Variants in RBMS3 observed in about 807,000 individuals in gnomAD.
RBMS3 encodes the protein RNA-binding motif, single-stranded-interacting protein 3.
In RBMS3, 27 loss-of-function variants were observed where a neutral mutation model predicts 66.8. That is an observed-to-expected ratio of 0.40 (90% CI 0.30 to 0.56). RBMS3 has a LOEUF of 0.56. RBMS3 is among the 20% of genes least tolerant of loss of function. The pLI is 0.40. For synonymous variants in RBMS3, 188 were observed against 183.0 expected (o/e 1.03, Z -0.22); for missense variants, 513 against 549.5 (o/e 0.93, Z 0.66).
At position 29,755,678 on chromosome 3, in the gene RBMS3, A is replaced by T. The variant is rs796817521; in HGVS notation, c.558-7232A>T. Among the ~76,000 whole-genome samples, 6 of 152,308 alleles carry T rather than the reference A, an allele frequency of 3.9e-5. 1 individual carries two copies. Among genetic ancestry groups the T allele is most frequent in the African/African-American group, 1.4e-4 (6 of 41,560 alleles). ...GAGGGCCTGCTTGGAAGGACTGTAGACAGGGAGAGATGCAACCCCTGCTAG... is the reference window on the plus strand; with the variant it reads ...GAGGGCCTGCTTGGAAGGACTGTAGTCAGGGAGAGATGCAACCCCTGCTAG... On this transcript the variant is annotated intron_variant, in intron 5 of 14. Transcript: ENST00000383767.
intron 5 of RBMS3, among the ~76,000 whole-genome samples, chr3:29,758,429 A>T (rs1030494128): frequency 6.6e-6 from 1 of 152,196 alleles, no homozygotes; most frequent in Non-Finnish European, 1.5e-5. Flanking sequence ...TGAGTCTTGA[A>T]ATTATGTGAC....
intron 1 of RBMS3, among the ~76,000 whole-genome samples, chr3:29,293,349 A>G (rs1053412240): frequency 7.9e-5 from 12 of 151,812 alleles, no homozygotes; most frequent in Non-Finnish European, 1.2e-4. Context: ...CCGTATTGCC[A>G]TGAGAACCAC....
intron 1 of RBMS3, among the ~76,000 whole-genome samples, chr3:29,425,799 A>G (rs2040935403): frequency 6.6e-6 from 1 of 152,166 alleles, no homozygotes; most frequent in African/African-American, 2.4e-5. Context: ...TGACATTGAC[A>G]TGGTTGGCTA....
intron 5 of RBMS3, among the ~76,000 whole-genome samples, chr3:29,758,161 A>G (rs2055507769): frequency 6.6e-6 from 1 of 152,240 alleles, no homozygotes; most frequent in South Asian, 2.1e-4. Context: ...TCTTGAAGTA[A>G]TAGTGGCTGG....
At chr3:29,865,799 T>G (rs1189095234) in intron 6 of RBMS3, among the ~76,000 whole-genome samples, 4 of 152,202 alleles carry the variant, frequency 2.6e-5, no homozygotes, top group East Asian at 3.9e-4. Context: ...ATGGGCCAAT[T>G]CTGCTTATAT....
chr3:29,306,188 G>C (rs1329985322), intron 1 of RBMS3, among the ~76,000 whole-genome samples: 2 of 151,900 alleles, frequency 1.3e-5, no homozygotes, highest in East Asian at 3.9e-4. Flanking sequence ...TTTCATGTTG[G>C]AAAACTAATC....
At chr3:29,716,993 A>G (rs1195301695) in intron 4 of RBMS3, among the ~76,000 whole-genome samples, 1 of 151,964 alleles carries the variant, frequency 6.6e-6, no homozygotes, top group African/African-American at 2.4e-5. Context: ...TTTGGCACAT[A>G]TATTTTGGGA....
At chr3:29,349,777 C>T (rs2036795192) in intron 1 of RBMS3, among the ~76,000 whole-genome samples, 1 of 152,110 alleles carries the variant, frequency 6.6e-6, no homozygotes, top group South Asian at 2.1e-4. Flanking sequence ...CATGCTGTTG[C>T]AAATGAGTTA....
intron 2 of RBMS3, among the ~76,000 whole-genome samples, chr3:29,456,493 A>G (rs1434879770): frequency 6.6e-6 from 1 of 152,178 alleles, no homozygotes; most frequent in East Asian, 1.9e-4. Flanking sequence ...TTCACTCCGG[A>G]GAACAATCCT....
rs79240164 is a variant in RBMS3, at chr3:29,302,366, C to T, written c.75+20610C>T. ...TGATTATTGTTGTATACAAAATAGC[C>T]ATTTACCTAGATTTTAATTTGCCCA... On this transcript the variant is annotated intron_variant, in intron 1 of 14. Coordinates refer to ENST00000383767, the MANE Select transcript of RBMS3 (RefSeq NM_001003793.3). 1.3e-3 allele frequency among the ~76,000 whole-genome samples: 205 copies of T among 151,926 alleles called. 1 individual carries two copies. Among genetic ancestry groups the T allele is most frequent in the African/African-American group, 4.9e-3 (203 of 41,476 alleles).
chr3:29,679,257 G>A lies in RBMS3; in HGVS notation c.400-60463G>A, dbSNP rs146909767. ...TGTGAAGAATATATATGAGCTTCTTGTATTTATTTTTCGACTCAACATATA... is the reference window on the plus strand; with the variant it reads ...TGTGAAGAATATATATGAGCTTCTTATATTTATTTTTCGACTCAACATATA... On this transcript the variant is annotated intron_variant, in intron 4 of 14. Coordinates refer to ENST00000383767, the MANE Select transcript of RBMS3 (RefSeq NM_001003793.3). Among the ~76,000 whole-genome samples, 19 of 152,188 alleles carry A rather than the reference G, an allele frequency of 1.2e-4. No homozygotes were observed. The East Asian group carries it at 2.9e-3, about 23-fold the overall frequency.
At chr3:29,386,612 G>T (rs4637247) in intron 1 of RBMS3, among the ~76,000 whole-genome samples, 88,926 of 151,914 alleles carry the variant, frequency 0.59, 26,434 homozygotes, top group Middle Eastern at 0.64. Flanking sequence ...CATCAGTTAT[G>T]TTTTTCCTTT....
intron 6 of RBMS3, chr3:29,766,349 A>C (rs974115579): frequency 6.6e-6 from 1 of 152,016 alleles, no homozygotes; most frequent in Non-Finnish European, 1.5e-5. Context: ...ATCTATTTCA[A>C]CCTAAAATGT....
At chr3:29,962,620 TA>T (rs1696559081) in intron 12 of RBMS3, among the ~76,000 whole-genome samples, 1 of 150,434 alleles carries the variant, frequency 6.6e-6, no homozygotes, top group African/African-American at 2.5e-5. Context: ...GAACCTCTAG[TA>T]ATTAGGGCAG....
intron 3 of RBMS3, among the ~76,000 whole-genome samples, chr3:29,515,449 C>T (rs2044584312): frequency 6.6e-6 from 1 of 152,026 alleles, no homozygotes; most frequent in Non-Finnish European, 1.5e-5. Flanking sequence ...GGTTTATAGG[C>T]AGAAGAAATA....
intron 1 of RBMS3, among the ~76,000 whole-genome samples, chr3:29,375,887 A>T (rs970213541): frequency 6.6e-5 from 10 of 152,202 alleles, no homozygotes; most frequent in African/African-American, 2.2e-4. Context: ...TATTATAAAG[A>T]TACATGCACG....
At chr3:29,391,172 A>T (rs1046881811) in intron 1 of RBMS3, 4 of 161,000 alleles carry the variant, frequency 2.5e-5, no homozygotes, top group Non-Finnish European at 5.6e-5. Context: ...TATGGCAAAG[A>T]ATCTCCGGCC....
chr3:29,295,273 TTATATATA>T lies in RBMS3; in HGVS notation c.75+13532_75+13539del, dbSNP rs370586837. Among the ~76,000 whole-genome samples, 9 of 51,352 alleles carry T rather than the reference TTATATATA, an allele frequency of 1.8e-4. 2 individuals carry two copies. Among genetic ancestry groups the T allele is most frequent in the East Asian group, 3.5e-4 (1 of 2,854 alleles). 33.7% of individuals were successfully genotyped at this position (51,352 alleles called of 152,430 possible). A position where few individuals can be genotyped will look rare whatever the true frequency, so the allele number is the denominator to read the frequency against. The stretch of plus-strand genomic sequence containing the variant: ...GGTCCTTATTCCCAATTGCAGAAAA[TTATATATA>T]TATATATATATATACATATATATCT... On this transcript the variant is annotated intron_variant, in intron 1 of 14. Coordinates refer to ENST00000383767, the MANE Select transcript of RBMS3 (RefSeq NM_001003793.3).
chr3:29,495,142 A>G (rs1340876200), intron 3 of RBMS3, among the ~76,000 whole-genome samples: 3 of 148,458 alleles, frequency 2.0e-5, no homozygotes, highest in South Asian at 4.2e-4. Flanking sequence ...TATTTCTTCT[A>G]TAAGAGAAAT....
Sources: allele counts gnomAD v4.1 joint callset (sites outside exome capture counted in the v4.1 genomes callset), GRCh38; gene constraint gnomAD v4.1.1; transcripts MANE v1.5; gene names NCBI Gene and HGNC (gene_info 2026-07-23, HGNC 2026-07-21).